Variants in STK38L observed in about 807,000 individuals in gnomAD.
STK38L encodes serine/threonine kinase 38 like.
STK38L carries 28 observed loss-of-function variants against 59.7 expected under a neutral mutation model. The ratio of observed to expected loss-of-function variants is 0.47; its 90% CI spans 0.35 to 0.64. The LOEUF is 0.64. STK38L is among the 30% of genes least tolerant of loss of function. The probability of loss-of-function intolerance (pLI) is 0.01; values close to 1 mark genes in which losing one functional copy is unlikely to be tolerated. For synonymous variants in STK38L, 162 were observed against 176.8 expected (o/e 0.92, Z 0.66); for missense variants, 314 against 555.8 (o/e 0.56, Z 4.37).
chr12:27,290,472 A>G (rs1353821506), intron 1 of STK38L, among the ~76,000 whole-genome samples: 1 of 152,226 alleles, frequency 6.6e-6, no homozygotes, highest in Admixed American at 6.5e-5. Flanking sequence ...TAACTTTCTT[A>G]AACTAGCCTT....
Position 27,308,362 on chromosome 12 carries a change from C to G in STK38L, c.210C>G (p.His70Gln). Residue 70 changes from histidine to glutamine, a missense_variant, in exon 4 of 14, where the codon CAC (histidine) becomes CAG (glutamine). Transcript: ENST00000389032. This position sits in a 1 kb window ranked among gnomAD's most constrained non-coding sequence, Gnocchi z 4.5. ...DEEKKLRRSQ[H>Q]ARKETEFLRL... The stretch of plus-strand genomic sequence containing the variant: ...AGAAAAAGTTACGTCGATCACAACA[C>G]GCTCGCAAAGAAACAGAGTTCTTAC... 1 of 1,592,750 alleles carries G rather than the reference C, an allele frequency of 6.3e-7. No individual in the cohort carries two copies. The highest frequency in any genetic ancestry group is 8.6e-7 in the Non-Finnish European group (1 of 1,168,888).
chr12:27,263,269 A>G (rs547625439), intron 1 of STK38L, among the ~76,000 whole-genome samples: 3 of 152,354 alleles, frequency 2.0e-5, no homozygotes, highest in South Asian at 4.1e-4. Flanking sequence ...CACCTCTTAC[A>G]GTGGCATGAA....
At chr12:27,310,503 A>G (rs1355492704) in intron 5 of STK38L, among the ~76,000 whole-genome samples, 1 of 152,096 alleles carries the variant, frequency 6.6e-6, no homozygotes, top group African/African-American at 2.4e-5. Flanking sequence ...CCAGCCAGCC[A>G]CATGTGGCTA....
intron 12 of STK38L, among the ~76,000 whole-genome samples, chr12:27,320,555 G>A (rs1449842046): frequency 6.9e-6 from 1 of 144,486 alleles, no homozygotes; most frequent in Non-Finnish European, 1.5e-5. Context: ...GCCTCCCAAA[G>A]TGCTGGGATT....
rs1009406537 is a variant in STK38L, at chr12:27,274,817, CTA to C, written c.-11-22891_-11-22890del. Among the ~76,000 whole-genome samples, 7 of 152,298 alleles carry C rather than the reference CTA, an allele frequency of 4.6e-5. No homozygotes were observed. In the East Asian group the frequency reaches 1.2e-3, roughly 25 times the overall value. ...CATTAATGATTACATATATAACTCACTATGTTTTCTTTTCTCTACTTCCAAAC... is the reference window on the plus strand; with the variant it reads ...CATTAATGATTACATATATAACTCACTGTTTTCTTTTCTCTACTTCCAAAC... On this transcript the variant is annotated intron_variant, in intron 1 of 13. Transcript: ENST00000389032.
intron 13 of STK38L, 43 bp from the exon 14 acceptor site, chr12:27,322,285 T>G: frequency 1.2e-6 from 2 of 1,613,256 alleles, no homozygotes; most frequent in Non-Finnish European, 1.7e-6. Flanking sequence ...TTGAAGATGA[T>G]GGCATTTCAC....
At chr12:27,316,362 C>T (rs528872976) in intron 9 of STK38L, among the ~76,000 whole-genome samples, 2 of 152,268 alleles carry the variant, frequency 1.3e-5, no homozygotes, top group Admixed American at 1.3e-4. Context: ...AGGGGAAAAA[C>T]TGAATACTGC....
intron 8 of STK38L, 44 bp from the exon 9 acceptor site, chr12:27,315,245 A>T (rs757496855): frequency 2.5e-6 from 4 of 1,605,002 alleles, no homozygotes; most frequent in Non-Finnish European, 1.7e-6. Context: ...TTTTGTGGAG[A>T]GCATTTTTCC....
At chr12:27,257,863 GCT>G (rs879758341) in intron 1 of STK38L, among the ~76,000 whole-genome samples, 413 of 143,570 alleles carry the variant, frequency 2.9e-3, no homozygotes, top group South Asian at 8.0e-3. Flanking sequence ...TTTATGTCAA[GCT>G]TTTTTTTTTT....
chr12:27,301,100 T>C (rs1247804120), intron 2 of STK38L, among the ~76,000 whole-genome samples: 1 of 152,196 alleles, frequency 6.6e-6, no homozygotes, highest in Non-Finnish European at 1.5e-5. Flanking sequence ...GCAAAATGTG[T>C]TCCACAACCA....
At chr12:27,277,419 C>T (rs1339345739) in intron 1 of STK38L, among the ~76,000 whole-genome samples, 1 of 129,870 alleles carries the variant, frequency 7.7e-6, no homozygotes, top group Non-Finnish European at 1.7e-5. Context: ...CACACACACA[C>T]ACAGCAGTAG....
chr12:27,309,087 T>G, intron 4 of STK38L, 27 bp from the exon 5 acceptor site: 1 of 1,526,710 alleles, frequency 6.6e-7, no homozygotes, highest in South Asian at 1.3e-5. Context: ...AGTGACTGTT[T>G]TATAATATAT....
At chr12:27,318,613 A>T (rs556285624) in intron 11 of STK38L, among the ~76,000 whole-genome samples, 1 of 152,308 alleles carries the variant, frequency 6.6e-6, no homozygotes, top group South Asian at 2.1e-4. Context: ...TAATAGTGAA[A>T]ATTGAAAACT....
chr12:27,268,946 G>A (rs905465674), intron 1 of STK38L, among the ~76,000 whole-genome samples: 2 of 152,228 alleles, frequency 1.3e-5, no homozygotes, highest in Non-Finnish European at 2.9e-5. Flanking sequence ...CATATCCTTC[G>A]CCCACTTTTT....
At chr12:27,263,637 TTGCTA>T (rs2136611761) in intron 1 of STK38L, among the ~76,000 whole-genome samples, 2 of 152,298 alleles carry the variant, frequency 1.3e-5, no homozygotes, top group African/African-American at 4.8e-5. Context: ...CTTGCCCAAA[TTGCTA>T]TGTACATGTT....
At chr12:27,275,997 C>G (rs533618652) in intron 1 of STK38L, among the ~76,000 whole-genome samples, 2 of 152,180 alleles carry the variant, frequency 1.3e-5, no homozygotes, top group Non-Finnish European at 2.9e-5. Context: ...CCCTGATCCC[C>G]TTGCCATGGA....
chr12:27,307,184 G>C (rs1050030859), intron 3 of STK38L, among the ~76,000 whole-genome samples: 7 of 152,098 alleles, frequency 4.6e-5, no homozygotes, highest in African/African-American at 1.7e-4. Flanking sequence ...GGCAAAGCCT[G>C]TTAATTTGTG....
intron 10 of STK38L, 176 bp downstream of exon 10, chr12:27,317,629 T>A: frequency 1.4e-6 from 1 of 709,128 alleles, no homozygotes; most frequent in South Asian, 2.0e-5. Flanking sequence ...ACGGATCCTG[T>A]TTCAGGAAGG....
At chr12:27,246,827 G>A (rs1415390766) in intron 1 of STK38L, among the ~76,000 whole-genome samples, 1 of 152,144 alleles carries the variant, frequency 6.6e-6, no homozygotes, top group Non-Finnish European at 1.5e-5. Flanking sequence ...AATCTTTAGA[G>A]GGAGAGAAAT....
Sources: allele counts gnomAD v4.1 joint callset (sites outside exome capture counted in the v4.1 genomes callset), GRCh38; gene constraint gnomAD v4.1.1; non-coding constraint Gnocchi (gnomAD v3.1); transcripts MANE v1.5; gene names NCBI Gene and HGNC (gene_info 2026-07-23, HGNC 2026-07-21).